The following MAP3K4 variants were observed in gnomAD, a reference collection of about 807,000 sequenced individuals.
MAP3K4 encodes mitogen-activated protein kinase kinase kinase 4.
A neutral mutation model predicts 185.6 loss-of-function variants in MAP3K4; 67 were observed. The ratio of observed to expected loss-of-function variants is 0.36; its 90% confidence interval spans 0.30 to 0.44. MAP3K4 has a LOEUF of 0.44. MAP3K4 is among the 20% of genes least tolerant of loss of function. The pLI is 1.00. For synonymous variants in MAP3K4, 702 were observed against 710.4 expected (o/e 0.99, Z 0.19); for missense variants, 1,551 against 1,995.1 (o/e 0.78, Z 4.24).
At chr6:161,035,268 T>G (rs1317989601) in intron 2 of MAP3K4, among the ~76,000 whole-genome samples, 1 of 152,188 alleles carries the variant, frequency 6.6e-6, no homozygotes, top group Admixed American at 6.5e-5. Context: ...CGGATTTTAG[T>G]CTTCATCTTG....
In MAP3K4 at chr6:161,115,932, A is replaced by G. The variant is rs946858938; in HGVS notation, c.4806+630A>G. On this transcript the variant is annotated intron_variant, in intron 26 of 26. Coordinates refer to ENST00000392142, the MANE Select transcript of MAP3K4 (RefSeq NM_005922.4). This position sits in a 1 kb window ranked among gnomAD's most constrained non-coding sequence, Gnocchi z 6.0. Reference sequence around the variant, plus strand: ...CCAGGAGCAACATGAAGGAGTTTCCATTTTATTATAAACATAAATGATGAC... The same window carrying G: ...CCAGGAGCAACATGAAGGAGTTTCCGTTTTATTATAAACATAAATGATGAC... Among the ~76,000 whole-genome samples, 1 of 152,202 alleles carries G rather than the reference A, an allele frequency of 6.6e-6. No individual in the cohort carries two copies. Among genetic ancestry groups the G allele is most frequent in the African/African-American group, 2.4e-5 (1 of 41,462 alleles).
intron 3 of MAP3K4, among the ~76,000 whole-genome samples, chr6:161,052,479 G>A (rs1784049299): frequency 6.6e-6 from 1 of 152,158 alleles, no homozygotes; most frequent in African/African-American, 2.4e-5. Context: ...TTAGAATTTT[G>A]TGTAGGTTGT....
In MAP3K4 at chr6:161,101,066, TA is replaced by T. The variant is rs1186710842; in HGVS notation, c.3675-821del. The stretch of plus-strand genomic sequence containing the variant: ...ACCATACTTCATTATACCATTCACT[TA>T]AAAATATATACTAAATGACTTTAAT... On this transcript the variant is annotated intron_variant, in intron 17 of 26. Transcript: ENST00000392142. The surrounding 1 kb of genome is among the most constrained non-coding windows in gnomAD (Gnocchi z 5.1). The T allele has an allele frequency of 6.6e-6, 1 of 152,346 alleles. No individual in the cohort carries two copies. Among genetic ancestry groups the T allele is most frequent in the East Asian group, 1.9e-4 (1 of 5,194 alleles). The allele number at this position is 152,346 out of a possible 1,614,324, so 9.4% of individuals were successfully genotyped here. A position where few individuals can be genotyped will look rare whatever the true frequency, so the allele number is the denominator to read the frequency against.
At position 161,098,545 on chromosome 6, in the gene MAP3K4, G is replaced by A; in HGVS notation, c.3674+118G>A. 3 of 1,278,902 alleles carry A rather than the reference G, an allele frequency of 2.3e-6. No individual in the cohort carries two copies. Among genetic ancestry groups the A allele is most frequent in the South Asian group, 1.6e-5 (1 of 64,214 alleles). The allele number at this position is 1,278,902 out of a possible 1,614,324, so 79.2% of individuals were successfully genotyped here. A position where few individuals can be genotyped will look rare whatever the true frequency, so the allele number is the denominator to read the frequency against. ...TGGGCTTCTTTGCTGTGGCGTGTGA[G>A]TGATGCTCTAGGGCCTTCCGCAGGT... is the stretch of plus-strand genomic sequence containing the variant. On this transcript the variant is annotated intron_variant, in intron 17 of 26. Coordinates refer to ENST00000392142, the MANE Select transcript of MAP3K4 (RefSeq NM_005922.4). This position sits in a 1 kb window ranked among gnomAD's most constrained non-coding sequence, Gnocchi z 4.4.
rs957460924 is a variant in MAP3K4, at chr6:161,076,508, T to C, written c.2097+2896T>C. The stretch of plus-strand genomic sequence containing the variant: ...TCAAAGGAAGTAACTTGGTGAGCAT[T>C]TGGAACATCAAATCTAAATCAAAGC... On this transcript the variant is annotated intron_variant, in intron 5 of 26. Transcript: ENST00000392142. The surrounding 1 kb of genome is among the most constrained non-coding windows in gnomAD (Gnocchi z 4.2). Among the ~76,000 whole-genome samples the C allele has an allele frequency of 2.0e-5, 3 of 152,200 alleles. No individual in the cohort carries two copies. The highest frequency in any genetic ancestry group is 4.4e-5 in the Non-Finnish European group (3 of 68,038).
At position 161,098,605 on chromosome 6, in the gene MAP3K4, C is replaced by G. The variant is rs576334257; in HGVS notation, c.3674+178C>G. 2.0e-5 allele frequency among the ~76,000 whole-genome samples: 3 copies of G among 152,276 alleles called. No individual in the cohort carries two copies. Among genetic ancestry groups the G allele is most frequent in the Admixed American group, 6.5e-5 (1 of 15,302 alleles). On this transcript the variant is annotated intron_variant, in intron 17 of 26. Coordinates refer to ENST00000392142, the MANE Select transcript of MAP3K4 (RefSeq NM_005922.4). The surrounding 1 kb of genome is among the most constrained non-coding windows in gnomAD (Gnocchi z 4.4). The stretch of plus-strand genomic sequence containing the variant: ...CCAGAGGCTCTGGCACTGACCAACA[C>G]GAATGGATAACTGTCTGATGTCAGT...
Position 161,098,185 on chromosome 6 carries a change from C to G in MAP3K4, c.3525-93C>G, listed in dbSNP as rs891887077. On this transcript the variant is annotated intron_variant, in intron 16 of 26. Transcript: ENST00000392142. The surrounding 1 kb of genome is among the most constrained non-coding windows in gnomAD (Gnocchi z 4.4). ...ATTTTATATTTTTAAATATATTTCA[C>G]CCCCTTGCCATATTTTATTTTTAAT... 2.0e-5 allele frequency: 26 copies of G among 1,316,890 alleles called. No individual in the cohort carries two copies. In the African/African-American group the frequency reaches 3.9e-4, roughly 20 times the overall value. The allele number at this position is 1,316,890 out of a possible 1,614,324, so 81.6% of individuals were successfully genotyped here.
rs1777279588 is a variant in MAP3K4 at position 161,091,017 on chromosome 6, A to T, written c.2974-362A>T. ...GAGGACAGCACGATCGGAGGAGGTC[A>T]TCTAGAAGTACATGGACTTTTTCAC... On this transcript the variant is annotated intron_variant, in intron 11 of 26. Coordinates refer to ENST00000392142, the MANE Select transcript of MAP3K4 (RefSeq NM_005922.4). This position sits in a 1 kb window ranked among gnomAD's most constrained non-coding sequence, Gnocchi z 5.5. Among the ~76,000 whole-genome samples, 1 of 152,216 alleles carries T rather than the reference A, an allele frequency of 6.6e-6. No homozygotes were observed. Among genetic ancestry groups the T allele is most frequent in the African/African-American group, 2.4e-5 (1 of 41,460 alleles).
In MAP3K4 at chr6:161,096,393, C is replaced by T. The variant is rs1416969405; in HGVS notation, c.3428-687C>T. 6.6e-6 allele frequency among the ~76,000 whole-genome samples: 1 copy of T among 151,826 alleles called. No homozygotes were observed. The highest frequency in any genetic ancestry group is 1.5e-5 in the Non-Finnish European group (1 of 67,960). ...AAGTGAAGAAGAGAAAAGCATGTTA[C>T]GGAGAGTAGGCAAAATATGACGCAT... On this transcript the variant is annotated intron_variant, in intron 15 of 26. Coordinates refer to ENST00000392142, the MANE Select transcript of MAP3K4 (RefSeq NM_005922.4). This position sits in a 1 kb window ranked among gnomAD's most constrained non-coding sequence, Gnocchi z 4.9.
chr6:161,013,391 T>G lies in MAP3K4; in HGVS notation c.153-20868T>G, dbSNP rs1217737664. 2.0e-5 allele frequency among the ~76,000 whole-genome samples: 3 copies of G among 152,246 alleles called. No homozygotes were observed. The East Asian group carries it at 5.8e-4, about 29-fold the overall frequency. ...CCTCAGTTTAACTTTTAATATGGCTTAGGTAAATTTTTTGTACATATATAG... is the reference window on the plus strand; with the variant it reads ...CCTCAGTTTAACTTTTAATATGGCTGAGGTAAATTTTTTGTACATATATAG... On this transcript the variant is annotated intron_variant, in intron 1 of 26. Transcript: ENST00000392142.
At position 161,115,408 on chromosome 6, in the gene MAP3K4, G is replaced by T; in HGVS notation, c.4806+106G>T. ...AAACTTTAAAGTAGCTATATCTGAA[G>T]TGGAAAGGAACTAAATGTATTATTA... On this transcript the variant is annotated intron_variant, in intron 26 of 26. Coordinates refer to ENST00000392142, the MANE Select transcript of MAP3K4 (RefSeq NM_005922.4). This position sits in a 1 kb window ranked among gnomAD's most constrained non-coding sequence, Gnocchi z 6.0. The T allele has an allele frequency of 9.1e-7, 1 of 1,094,092 alleles. No homozygotes were observed. The highest frequency in any genetic ancestry group is 1.3e-6 in the Non-Finnish European group (1 of 774,542). 67.8% of individuals were successfully genotyped at this position (1,094,092 alleles called of 1,614,324 possible).
At chr6:161,033,430 G>A (rs9365245) in intron 1 of MAP3K4, among the ~76,000 whole-genome samples, 105,658 of 151,996 alleles carry the variant, frequency 0.7, 38,001 homozygotes, top group East Asian at 0.97. Context: ...TGAGAAGTTG[G>A]CCAGGGATAG....
intron 1 of MAP3K4, among the ~76,000 whole-genome samples, chr6:161,023,544 G>C (rs1030558227): frequency 6.6e-6 from 1 of 152,216 alleles, no homozygotes; most frequent in Non-Finnish European, 1.5e-5. Context: ...TATGGCAGTT[G>C]ATCAGACTCT....
intron 1 of MAP3K4, among the ~76,000 whole-genome samples, chr6:161,011,796 T>C (rs1781853119): frequency 1.3e-5 from 2 of 152,208 alleles, no homozygotes; most frequent in Non-Finnish European, 2.9e-5. Context: ...TTAACTGTAC[T>C]GACTAGTTAA....
rs1468401616 is a variant in MAP3K4 at position 160,992,014 on chromosome 6, C to A, written c.83C>A (p.Pro28Gln). The stretch of plus-strand genomic sequence containing the variant: ...GCCGCCATGGAGGAGCCGCCGCCAC[C>A]GCCGCCGCCGCCACCACCGCCACCG... The part of the protein sequence containing the change: ...PAAAMEEPPP[P>Q]PPPPPPPPEP... Residue 28 changes from proline (P) to glutamine (Q), a missense_variant, in exon 1 of 27, where the codon CCG (proline) becomes CAG (glutamine). Pro to Gln is a moderately conservative substitution (Grantham distance 76). This residue lies in a region of MAP3K4 where 287 missense variants were observed against 268.8 expected (regional missense o/e 1.07). Transcript: ENST00000392142. 3 of 1,540,064 alleles carry A rather than the reference C, an allele frequency of 1.9e-6. No homozygotes were observed. The highest frequency in any genetic ancestry group is 2.6e-6 in the Non-Finnish European group (3 of 1,147,670).
rs568293575 is a variant in MAP3K4 at position 161,022,009 on chromosome 6, G to A, written c.153-12250G>A. ...TATCTTCTTTGTCTCATCCCTTATA[G>A]AATCCTGTTTTCAATGAAAAAGAAA... On this transcript the variant is annotated intron_variant, in intron 1 of 26. Coordinates refer to ENST00000392142, the MANE Select transcript of MAP3K4 (RefSeq NM_005922.4). The surrounding 1 kb of genome is among the most constrained non-coding windows in gnomAD (Gnocchi z 4.2). Among the ~76,000 whole-genome samples, 1 of 152,208 alleles carries A rather than the reference G, an allele frequency of 6.6e-6. No individual in the cohort carries two copies. Among genetic ancestry groups the A allele is most frequent in the African/African-American group, 2.4e-5 (1 of 41,526 alleles).
At chr6:160,997,559 T>C (rs914798110) in intron 1 of MAP3K4, among the ~76,000 whole-genome samples, 2 of 152,230 alleles carry the variant, frequency 1.3e-5, no homozygotes, top group Non-Finnish European at 2.9e-5. Context: ...TTCTCAAGTA[T>C]TTCTGATGTA....
At chr6:161,079,207 C>G (rs1785322376) in intron 5 of MAP3K4, among the ~76,000 whole-genome samples, 1 of 99,236 alleles carries the variant, frequency 1.0e-5, no homozygotes, top group Admixed American at 1.3e-4. Context: ...GAGCAGGACC[C>G]TGTCTCAAGA....
intron 1 of MAP3K4, among the ~76,000 whole-genome samples, chr6:161,016,387 G>C (rs996584235): frequency 3.9e-5 from 6 of 151,984 alleles, no homozygotes; most frequent in Admixed American, 2.6e-4. Flanking sequence ...GTCTTTTGTT[G>C]TTCGTGCTTT....
Sources: gnomAD v4.1 joint callset for allele counts (sites outside exome capture counted in the v4.1 genomes callset) on GRCh38, gnomAD v4.1.1 for gene constraint, gnomAD v4.1.1 regional missense constraint, Gnocchi (gnomAD v3.1) non-coding constraint, MANE v1.5 for transcripts, NCBI Gene and HGNC (gene_info 2026-07-23, HGNC 2026-07-21) for gene names.